The following MAF variants were observed in gnomAD, a reference collection of about 807,000 sequenced individuals.
The protein encoded by MAF is transcription factor Maf.
Under a neutral mutation model 22.0 loss-of-function variants are expected in MAF, and 10 were observed. The observed-to-expected ratio is 0.45, with a 90% confidence interval of 0.28 to 0.77. The LOEUF (loss-of-function observed/expected upper bound fraction) is 0.77, where lower values mean the gene tolerates loss of function less well. Ranked by LOEUF, MAF falls within the 30% of genes least tolerant of loss-of-function variation. The pLI is 0.12. For synonymous variants in MAF, 337 were observed against 255.8 expected, an observed-to-expected ratio of 1.32 and a Z score of -3.03; for missense variants, 544 against 548.4, an observed-to-expected ratio of 0.99 and a Z score of 0.08.
chr16:79,590,394 G>A (rs1339971163), downstream of MAF, among the ~76,000 whole-genome samples: 2 of 152,204 alleles, frequency 1.3e-5, no homozygotes, highest in Non-Finnish European at 2.9e-5. Flanking sequence ...CCTCTGCATA[G>A]CGCTGTCTGT....
downstream of MAF, among the ~76,000 whole-genome samples, chr16:79,584,582 T>C (rs1231224161): frequency 6.6e-6 from 1 of 152,304 alleles, no homozygotes; most frequent in East Asian, 1.9e-4. Context: ...TGAAAATGGA[T>C]GGTTTCAATG....
chr16:79,569,635 G>A, the MAF span, among the ~76,000 whole-genome samples: 9 of 152,208 alleles, frequency 5.9e-5, no homozygotes, highest in Non-Finnish European at 1.2e-4. Flanking sequence ...TTTAGAACTC[G>A]TGCCTTAGAA....
the MAF span, among the ~76,000 whole-genome samples, chr16:79,291,396 C>CT: frequency 4.9e-4 from 74 of 152,268 alleles, no homozygotes; most frequent in African/African-American, 1.6e-3. Context: ...TGTACAGCCA[C>CT]TTTTCCTCTG....
the MAF span, among the ~76,000 whole-genome samples, chr16:79,440,058 T>C: frequency 2.6e-5 from 4 of 152,196 alleles, no homozygotes; most frequent in African/African-American, 9.7e-5. Context: ...CTCAGTTCTA[T>C]TTTCCACTTC....
chr16:79,206,915 G>C, the MAF span, among the ~76,000 whole-genome samples: 1 of 152,174 alleles, frequency 6.6e-6, no homozygotes, highest in Admixed American at 6.5e-5. Context: ...AGTGAGTAGG[G>C]AACAAGTGGC....
At chr16:79,520,467 A>C in the MAF span, among the ~76,000 whole-genome samples, 5 of 151,864 alleles carry the variant, frequency 3.3e-5, no homozygotes, top group African/African-American at 1.2e-4. Flanking sequence ...TCTCTTCTCT[A>C]TCTCTCTGTG....
At chr16:79,203,055 T>A in the MAF span, 1 of 152,206 alleles carries the variant, frequency 6.6e-6, no homozygotes. Context: ...GAGGCAGAAT[T>A]ATTTACCCGG....
chr16:79,561,497 T>G, the MAF span, among the ~76,000 whole-genome samples: 1 of 138,118 alleles, frequency 7.2e-6, no homozygotes, highest in East Asian at 2.6e-4. Flanking sequence ...CCCCGGTGTG[T>G]GATGTTCCCC....
the MAF span, among the ~76,000 whole-genome samples, chr16:79,517,986 T>G: frequency 6.6e-6 from 1 of 152,200 alleles, no homozygotes; most frequent in South Asian, 2.1e-4. Flanking sequence ...GTCTGGAAAC[T>G]CAACAGTAGT....
chr16:79,233,768 C>T, the MAF span, among the ~76,000 whole-genome samples: 3 of 151,866 alleles, frequency 2.0e-5, no homozygotes, highest in African/African-American at 7.2e-5. Context: ...CCGAGGCAAG[C>T]GGATCACAAG....
the MAF span, among the ~76,000 whole-genome samples, chr16:79,339,235 A>T: frequency 5.3e-5 from 6 of 113,214 alleles, no homozygotes; most frequent in Admixed American, 4.2e-4. Context: ...ACGCCCGGCT[A>T]AATTTTTTGT....
the MAF span, among the ~76,000 whole-genome samples, chr16:79,357,570 G>C: frequency 6.6e-6 from 1 of 152,124 alleles, no homozygotes. Context: ...TTTGCATCCG[G>C]GAAAGTTTGC....
At chr16:79,311,901 ATC>A in the MAF span, among the ~76,000 whole-genome samples, 1 of 152,144 alleles carries the variant, frequency 6.6e-6, no homozygotes, top group Admixed American at 6.5e-5. Context: ...GCCCTTAGCA[ATC>A]TCTCAGTGCT....
chr16:79,336,887 T>C, the MAF span, among the ~76,000 whole-genome samples: 3 of 152,216 alleles, frequency 2.0e-5, no homozygotes, highest in Admixed American at 1.3e-4. Context: ...ACATCTTCCA[T>C]AAATCATATT....
chr16:79,215,602 G>A, the MAF span, among the ~76,000 whole-genome samples: 1 of 152,132 alleles, frequency 6.6e-6, no homozygotes, highest in African/African-American at 2.4e-5. Flanking sequence ...ATCCTGCAGG[G>A]TTCACATCTG....
chr16:79,514,001 C>T, the MAF span, among the ~76,000 whole-genome samples: 1 of 152,210 alleles, frequency 6.6e-6, no homozygotes, highest in Non-Finnish European at 1.5e-5. Context: ...CTTCCCCTCA[C>T]CACAAAAGAG....
At chr16:79,373,318 A>C in the MAF span, among the ~76,000 whole-genome samples, 1 of 130,174 alleles carries the variant, frequency 7.7e-6, no homozygotes, top group Non-Finnish European at 1.6e-5. Flanking sequence ...GAATTAATTC[A>C]TCTATGGGTT....
At chr16:79,337,522 C>G in the MAF span, among the ~76,000 whole-genome samples, 1 of 152,060 alleles carries the variant, frequency 6.6e-6, no homozygotes, top group African/African-American at 2.4e-5. Flanking sequence ...GAGCCAAGAT[C>G]GTGCCACTAC....
the MAF span, among the ~76,000 whole-genome samples, chr16:79,575,429 G>A: frequency 6.6e-6 from 1 of 152,098 alleles, no homozygotes; most frequent in African/African-American, 2.4e-5. Flanking sequence ...GCAGGCAAGG[G>A]GCCATGAGGA....
Sources: allele counts gnomAD v4.1 joint callset (sites outside exome capture counted in the v4.1 genomes callset), GRCh38; gene constraint gnomAD v4.1.1; transcripts MANE v1.5; gene names NCBI Gene and HGNC (gene_info 2026-07-23, HGNC 2026-07-21).